The following FER variants were observed in gnomAD, a reference collection of about 807,000 sequenced individuals.
FER encodes tyrosine-protein kinase Fer.
Under a neutral mutation model 111.0 loss-of-function variants are expected in FER, and 63 were observed. The observed-to-expected ratio is 0.57, with a 90% CI of 0.46 to 0.70. The LOEUF (loss-of-function observed/expected upper bound fraction) is 0.70, where lower values mean the gene tolerates loss of function less well. FER is among the 30% of genes least tolerant of loss of function. The probability of loss-of-function intolerance (pLI) is 0.00; values close to 1 mark genes in which losing one functional copy is unlikely to be tolerated. For missense variants in FER, 914 were observed against 954.0 expected (o/e 0.96, Z 0.55); for synonymous variants, 327 against 313.9 (o/e 1.04, Z -0.44).
Position 109,039,116 on chromosome 5 carries a change from A to C in FER, c.1713+1638A>C, listed in dbSNP as rs535952873. On this transcript the variant is annotated intron_variant, in intron 14 of 19. Coordinates refer to ENST00000281092, the MANE Select transcript of FER (RefSeq NM_005246.4). ...AATAATCATTTACAGTATACTGCTT[A>C]AGAGTACATGGCTAATTAAGACAAT... 2.6e-3 allele frequency among the ~76,000 whole-genome samples: 394 copies of C among 152,166 alleles called. 1 individual carries two copies. The highest frequency in any genetic ancestry group is 4.3e-3 in the Non-Finnish European group (291 of 67,924).
intron 16 of FER, among the ~76,000 whole-genome samples, chr5:109,053,122 C>T (rs1025556548): frequency 3.9e-5 from 6 of 152,162 alleles, no homozygotes; most frequent in East Asian, 3.8e-4. Context: ...AACAGTGGCT[C>T]ACGCCTGTAA....
At chr5:108,983,347 A>G (rs1335429726) in intron 13 of FER, among the ~76,000 whole-genome samples, 1 of 152,036 alleles carries the variant, frequency 6.6e-6, no homozygotes, top group African/African-American at 2.4e-5. Context: ...TGCTTCCTCA[A>G]AACCCCTATT....
intron 5 of FER, among the ~76,000 whole-genome samples, chr5:108,837,553 T>C (rs573223585): frequency 6.6e-6 from 1 of 152,178 alleles, no homozygotes; most frequent in Non-Finnish European, 1.5e-5. Context: ...ACAGCAACCA[T>C]ATTGTAATCC....
intron 3 of FER, among the ~76,000 whole-genome samples, chr5:108,824,098 T>A (rs1252939979): frequency 6.6e-6 from 1 of 152,122 alleles, no homozygotes; most frequent in Non-Finnish European, 1.5e-5. Flanking sequence ...TATGTGTGGG[T>A]TTATTTTTCT....
In FER at chr5:108,993,570, GGGGAGAGGGAGA is replaced by G. The variant is rs372340070; in HGVS notation, c.1656+34239_1656+34250del. Among the ~76,000 whole-genome samples the G allele has an allele frequency of 5.9e-3, 849 of 144,650 alleles. 5 individuals are homozygous for G. The highest frequency in any genetic ancestry group is 0.021 in the African/African-American group (812 of 38,082). 94.9% of individuals were successfully genotyped at this position (144,650 alleles called of 152,430 possible). A position where few individuals can be genotyped will look rare whatever the true frequency, so the allele number is the denominator to read the frequency against. ...GAGACTGTGGGGAGAGGGAGACCGTGGGGAGAGGGAGAGGGAGAGGGAGAGGGCGAGGGCGAG... is the reference window on the plus strand; with the variant it reads ...GAGACTGTGGGGAGAGGGAGACCGTGGGGAGAGGGAGAGGGCGAGGGCGAG... On this transcript the variant is annotated intron_variant, in intron 13 of 19. Coordinates refer to ENST00000281092, the MANE Select transcript of FER (RefSeq NM_005246.4).
At chr5:108,811,639 A>G (rs752609817) in intron 3 of FER, among the ~76,000 whole-genome samples, 6 of 152,124 alleles carry the variant, frequency 3.9e-5, no homozygotes, top group African/African-American at 1.4e-4. Context: ...AGATATATAT[A>G]TATGATTTAT....
chr5:109,052,042 A>G (rs572653094), intron 16 of FER: 64 of 1,598,960 alleles, frequency 4.0e-5, no homozygotes, highest in Non-Finnish European at 4.8e-5. Context: ...ATGCTCTTCA[A>G]TACCATACTT....
chr5:109,108,397 C>T (rs912014485), intron 17 of FER, among the ~76,000 whole-genome samples: 5 of 152,138 alleles, frequency 3.3e-5, no homozygotes, highest in Non-Finnish European at 7.4e-5. Flanking sequence ...ATGGATATCC[C>T]TCTTATGAAG....
intron 10 of FER, among the ~76,000 whole-genome samples, chr5:108,938,535 C>G (rs532359340): frequency 1.1e-4 from 16 of 151,982 alleles, no homozygotes; most frequent in Middle Eastern, 3.4e-3. Flanking sequence ...TTGGATCCAT[C>G]CAGGGCTGAA....
chr5:108,938,810 A>G (rs1268733696), intron 10 of FER, among the ~76,000 whole-genome samples: 1 of 151,966 alleles, frequency 6.6e-6, no homozygotes, highest in African/African-American at 2.4e-5. Context: ...ATTTAGAGCT[A>G]TTCCATGTGA....
chr5:109,160,887 G>A (rs1755916594), intron 17 of FER, among the ~76,000 whole-genome samples: 2 of 152,098 alleles, frequency 1.3e-5, no homozygotes, highest in Admixed American at 6.6e-5. Context: ...ACTTTCTCTT[G>A]GGAATCTGAA....
At chr5:109,144,010 C>T (rs1250447864) in intron 17 of FER, among the ~76,000 whole-genome samples, 1 of 151,772 alleles carries the variant, frequency 6.6e-6, no homozygotes. Context: ...TGTCTAAGCT[C>T]CATGAGGAAA....
chr5:109,035,381 T>C (rs1770234052), intron 13 of FER, among the ~76,000 whole-genome samples: 1 of 152,206 alleles, frequency 6.6e-6, no homozygotes, highest in African/African-American at 2.4e-5. Context: ...TTTATGTAAA[T>C]GGAATTAGTA....
chr5:109,050,501 A>G (rs957126949), intron 16 of FER, among the ~76,000 whole-genome samples: 2 of 152,230 alleles, frequency 1.3e-5, no homozygotes, highest in African/African-American at 2.4e-5. Context: ...AATATTAAGC[A>G]TGGCTTGATT....
At chr5:109,081,287 T>C (rs982732804) in intron 16 of FER, among the ~76,000 whole-genome samples, 2 of 152,102 alleles carry the variant, frequency 1.3e-5, no homozygotes, top group Non-Finnish European at 2.9e-5. Flanking sequence ...AAAATTTTAT[T>C]GTGTGCATGA....
chr5:109,044,604 G>T, intron 14 of FER, 76 bp from the exon 15 acceptor site: 1 of 694,038 alleles, frequency 1.4e-6, no homozygotes, highest in Non-Finnish European at 2.4e-6. Flanking sequence ...CCTCCTCTTT[G>T]GTACCTTTCC....
At chr5:109,172,014 G>C (rs188458854) in intron 17 of FER, among the ~76,000 whole-genome samples, 77 of 152,260 alleles carry the variant, frequency 5.1e-4, no homozygotes, top group Non-Finnish European at 8.4e-4. Flanking sequence ...GGAGAAATAG[G>C]AACACTTTTA....
At chr5:108,819,289 A>C (rs1249357329) in intron 3 of FER, among the ~76,000 whole-genome samples, 12 of 151,566 alleles carry the variant, frequency 7.9e-5, no homozygotes, top group Admixed American at 7.9e-4. Context: ...TGTAATTCCA[A>C]AGTGCTGGGA....
In FER at chr5:109,155,838, A is replaced by C. The variant is rs148346477; in HGVS notation, c.2049-24909A>C. 1.2e-4 allele frequency among the ~76,000 whole-genome samples: 19 copies of C among 152,058 alleles called. 1 individual carries two copies. The highest frequency in any genetic ancestry group is 2.4e-4 in the Non-Finnish European group (16 of 67,886). The stretch of plus-strand genomic sequence containing the variant: ...CTTCATTTCCTGAGAGAGCCTATAC[A>C]CTGGTAGATAAGGGAAACAGTGTGG... On this transcript the variant is annotated intron_variant, in intron 17 of 19. Coordinates refer to ENST00000281092, the MANE Select transcript of FER (RefSeq NM_005246.4).
Sources: gnomAD v4.1 joint callset for allele counts (sites outside exome capture counted in the v4.1 genomes callset) on GRCh38, gnomAD v4.1.1 for gene constraint, MANE v1.5 for transcripts, NCBI Gene and HGNC (gene_info 2026-07-23, HGNC 2026-07-21) for gene names.